The following GAPVD1 variants were observed in gnomAD, a reference collection of about 807,000 sequenced individuals.
The protein encoded by GAPVD1 is GTPase activating protein and VPS9 domains 1, also known as GTPase-activating protein and VPS9 domain-containing protein 1.
A neutral mutation model predicts 155.5 loss-of-function variants in GAPVD1; 35 were observed. That is an observed-to-expected ratio of 0.23 (90% confidence interval 0.17 to 0.30). GAPVD1 has a LOEUF of 0.30. Among genes scored for constraint, GAPVD1 ranks in the 10% least tolerant of loss-of-function variants. The pLI, the probability that GAPVD1 is intolerant of heterozygous loss-of-function variation, is 1.00. For missense variants in GAPVD1, 1,429 were observed against 1,775.7 expected (o/e 0.80, Z 3.51); for synonymous variants, 636 against 619.7 (o/e 1.03, Z -0.39).
chr9:125,306,884 C>T (rs1841913883), intron 6 of GAPVD1, among the ~76,000 whole-genome samples: 1 of 152,160 alleles, frequency 6.6e-6, no homozygotes, highest in Non-Finnish European at 1.5e-5. Context: ...GCTGAGCGCA[C>T]TTTGGGAAGC....
chr9:125,342,965 C>G (rs1417539327), intron 19 of GAPVD1, among the ~76,000 whole-genome samples: 1 of 152,132 alleles, frequency 6.6e-6, no homozygotes, highest in East Asian at 1.9e-4. Context: ...TGCTTTTTGG[C>G]ACATTATGAA....
intron 20 of GAPVD1, 115 bp downstream of exon 20, chr9:125,347,056 T>C (rs1848604454): frequency 3.1e-6 from 3 of 977,116 alleles, no homozygotes; most frequent in Non-Finnish European, 1.5e-6. Flanking sequence ...GTTTACTACC[T>C]CAAAATTACA....
At position 125,307,943 on chromosome 9, in the gene GAPVD1, T is replaced by C. The variant is rs772173839; in HGVS notation, c.1441+63T>C. On this transcript the variant is annotated intron_variant, in intron 8 of 27. Transcript: ENST00000297933. ...TCTAATATTTCATTAGCCTTTGTTATTGCTGAGTGTTTTGGAACATATGTT... is the reference window on the plus strand; with the variant it reads ...TCTAATATTTCATTAGCCTTTGTTACTGCTGAGTGTTTTGGAACATATGTT... The C allele has an allele frequency of 1.7e-5, 19 of 1,144,000 alleles. No individual in the cohort carries two copies. The South Asian group carries it at 2.3e-4, about 14-fold the overall frequency. 70.9% of individuals were successfully genotyped at this position (1,144,000 alleles called of 1,614,324 possible).
chr9:125,361,692 C>T (rs547818408), intron 27 of GAPVD1, among the ~76,000 whole-genome samples: 4 of 152,294 alleles, frequency 2.6e-5, no homozygotes, highest in South Asian at 4.1e-4. Flanking sequence ...TCTCCTTCCT[C>T]TTTTAGCTTC....
intron 2 of GAPVD1, among the ~76,000 whole-genome samples, chr9:125,282,072 A>C (rs1836876785): frequency 6.6e-6 from 1 of 152,206 alleles, no homozygotes; most frequent in African/African-American, 2.4e-5. Flanking sequence ...CAAGATCAAG[A>C]GATTGAGACC....
At position 125,331,357 on chromosome 9, in the gene GAPVD1, C is replaced by T. The variant is rs554920708; in HGVS notation, c.2174-569C>T. ...CTGGGATTACAGGCACCTGCCACCA[C>T]GCCTAGCTAGTTTTTGTATTTTTAG... is the stretch of plus-strand genomic sequence containing the variant. On this transcript the variant is annotated intron_variant, in intron 13 of 27. Transcript: ENST00000297933. Among the ~76,000 whole-genome samples, 163 of 152,190 alleles carry T rather than the reference C, an allele frequency of 1.1e-3. 1 individual carries two copies. The highest frequency in any genetic ancestry group is 3.7e-3 in the African/African-American group (153 of 41,522).
intron 10 of GAPVD1, 73 bp from the exon 11 acceptor site, chr9:125,323,725 C>T (rs1308101354): frequency 1.4e-6 from 2 of 1,428,068 alleles, no homozygotes; most frequent in African/African-American, 2.8e-5. Flanking sequence ...AGTCTTTTAT[C>T]AAGGCATGAA....
chr9:125,277,646 T>C (rs1301015293), intron 2 of GAPVD1, among the ~76,000 whole-genome samples: 3 of 151,422 alleles, frequency 2.0e-5, no homozygotes, highest in Non-Finnish European at 4.4e-5. Context: ...AATGAATGAG[T>C]GAAGGAAGTG....
intron 1 of GAPVD1, among the ~76,000 whole-genome samples, chr9:125,268,205 C>CA (rs1475718333): frequency 7.2e-4 from 78 of 108,154 alleles, no homozygotes; most frequent in African/African-American, 2.5e-3. Flanking sequence ...CCCCCCCCCC[C>CA]AAAAAAAAAC....
In GAPVD1 at chr9:125,316,267, C is replaced by G. The variant is rs568820808; in HGVS notation, c.1602+3655C>G. 2.9e-3 allele frequency among the ~76,000 whole-genome samples: 435 copies of G among 152,106 alleles called. 3 individuals are homozygous for G. Among genetic ancestry groups the G allele is most frequent in the African/African-American group, 0.01 (418 of 41,442 alleles). On this transcript the variant is annotated intron_variant, in intron 9 of 27. Coordinates refer to ENST00000297933, the MANE Select transcript of GAPVD1 (RefSeq NM_001282680.3). ...ATGTGCAGAACGTGCAGGTTTGTTA[C>G]ATAGGTATACATGTGCCATAGATCT... is the stretch of plus-strand genomic sequence containing the variant.
At chr9:125,340,393 A>G (rs1356071220) in intron 17 of GAPVD1, among the ~76,000 whole-genome samples, 1 of 152,144 alleles carries the variant, frequency 6.6e-6, no homozygotes, top group African/African-American at 2.4e-5. Context: ...GCTTAGGTCT[A>G]GGTTTGAGTC....
intron 1 of GAPVD1, among the ~76,000 whole-genome samples, chr9:125,267,656 G>A (rs954843406): frequency 2.6e-5 from 4 of 151,938 alleles, no homozygotes; most frequent in Non-Finnish European, 5.9e-5. Context: ...TGAACTGCCC[G>A]CTTCGGCCTC....
intron 23 of GAPVD1, among the ~76,000 whole-genome samples, chr9:125,353,174 G>T: frequency 6.6e-6 from 1 of 151,854 alleles, no homozygotes; most frequent in East Asian, 1.9e-4. Context: ...TTGCTGCTTA[G>T]AAATTTCTTC....
intron 9 of GAPVD1, among the ~76,000 whole-genome samples, chr9:125,314,948 C>T (rs1232505633): frequency 5.9e-5 from 9 of 151,894 alleles, no homozygotes; most frequent in East Asian, 2.0e-4. Context: ...CCACCACGCC[C>T]GGCTATTTTT....
At position 125,330,267 on chromosome 9, in the gene GAPVD1, T is replaced by C. The variant is rs751055354; in HGVS notation, c.2173+49T>C. The C allele has an allele frequency of 1.2e-5, 16 of 1,358,348 alleles. No individual in the cohort carries two copies. The South Asian group carries it at 2.2e-4, about 19-fold the overall frequency. 84.1% of individuals were successfully genotyped at this position (1,358,348 alleles called of 1,614,324 possible). A position where few individuals can be genotyped will look rare whatever the true frequency, so the allele number is the denominator to read the frequency against. On this transcript the variant is annotated intron_variant, in intron 13 of 27. Coordinates refer to ENST00000297933, the MANE Select transcript of GAPVD1 (RefSeq NM_001282680.3). Reference sequence around the variant, plus strand: ...TTTTTCATTTATACAGAAGTTTTAATTAAATGCAAGGTATCCCAACTCTGT... The same window carrying C: ...TTTTTCATTTATACAGAAGTTTTAACTAAATGCAAGGTATCCCAACTCTGT...
chr9:125,272,591 A>G (rs1835100996), intron 2 of GAPVD1, among the ~76,000 whole-genome samples: 1 of 152,176 alleles, frequency 6.6e-6, no homozygotes, highest in Non-Finnish European at 1.5e-5. Flanking sequence ...TTTCTTAGGC[A>G]TTATGCACAT....
chr9:125,270,207 T>C (rs1234149965), intron 2 of GAPVD1, among the ~76,000 whole-genome samples: 3 of 151,894 alleles, frequency 2.0e-5, no homozygotes, highest in Admixed American at 6.6e-5. Context: ...GGTGGGCGAA[T>C]CACTTGAGGT....
Position 125,350,825 on chromosome 9 carries a change from T to A in GAPVD1, c.3522T>A (p.Asp1174Glu). The A allele has an allele frequency of 1.9e-6, 3 of 1,613,926 alleles. No individual in the cohort carries two copies. Among genetic ancestry groups the A allele is most frequent in the Non-Finnish European group, 2.5e-6 (3 of 1,179,778 alleles). The change falls in exon 23 of 28, where the codon GAT becomes GAA. Residue 1174 changes from aspartate to glutamate, a missense_variant. Transcript: ENST00000297933. ...CAATGCGCTGTGTGTGCCGTTTTGA[T>A]AATAGGACTTGTAGGAAACTGCTGG... ...QETMRCVCRFDNRTCRKLLAS... is the reference protein window; with the variant it reads ...QETMRCVCRFENRTCRKLLAS...
intron 2 of GAPVD1, among the ~76,000 whole-genome samples, chr9:125,294,659 T>G (rs1449771247): frequency 2.0e-5 from 3 of 151,722 alleles, no homozygotes; most frequent in Non-Finnish European, 4.4e-5. Flanking sequence ...ATGGTTTTTT[T>G]TTTTTTTTTT....
Sources: allele counts gnomAD v4.1 joint callset (sites outside exome capture counted in the v4.1 genomes callset), GRCh38; gene constraint gnomAD v4.1.1; transcripts MANE v1.5; gene names NCBI Gene and HGNC (gene_info 2026-07-23, HGNC 2026-07-21).